Variants in TANC2 observed in about 807,000 individuals in gnomAD.
TANC2 encodes tetratricopeptide repeat, ankyrin repeat and coiled-coil containing 2, also known as protein TANC2.
A neutral mutation model predicts 210.5 loss-of-function variants in TANC2; 26 were observed. The observed-to-expected ratio is 0.12, with a 90% CI of 0.09 to 0.17. The LOEUF (loss-of-function observed/expected upper bound fraction) is 0.17, where lower values mean the gene tolerates loss of function less well. Among genes scored for constraint, TANC2 ranks in the 10% least tolerant of loss-of-function variants. The pLI is 1.00. For synonymous variants in TANC2, 931 were observed against 967.1 expected, an observed-to-expected ratio of 0.96 and a Z score of 0.69; for missense variants, 2,129 against 2,608.9, an observed-to-expected ratio of 0.82 and a Z score of 4.01.
chr17:63,039,873 A>G (rs896916631), intron 2 of TANC2, among the ~76,000 whole-genome samples: 7 of 152,280 alleles, frequency 4.6e-5, no homozygotes, highest in African/African-American at 1.7e-4. Flanking sequence ...GGTAGTTTAT[A>G]AACATTTATA....
At chr17:63,283,134 A>G (rs985396168) in intron 9 of TANC2, among the ~76,000 whole-genome samples, 7 of 152,144 alleles carry the variant, frequency 4.6e-5, no homozygotes, top group East Asian at 1.9e-4. Flanking sequence ...ATGATGCAAG[A>G]TATGTGTCAA....
intron 9 of TANC2, among the ~76,000 whole-genome samples, chr17:63,289,123 A>G (rs2044309350): frequency 6.6e-6 from 1 of 152,038 alleles, no homozygotes; most frequent in Non-Finnish European, 1.5e-5. Context: ...TTTGTTCTTT[A>G]TCGTAGTTTC....
intron 5 of TANC2, among the ~76,000 whole-genome samples, chr17:63,170,066 C>T (rs1465835358): frequency 6.7e-5 from 10 of 149,438 alleles, no homozygotes; most frequent in Admixed American, 1.3e-4. Flanking sequence ...TTGCAGTGAG[C>T]GGAGATCGCG....
At chr17:63,215,165 A>G (rs1289734725) in intron 7 of TANC2, among the ~76,000 whole-genome samples, 2 of 152,224 alleles carry the variant, frequency 1.3e-5, no homozygotes, top group African/African-American at 2.4e-5. Context: ...AATAACCTAA[A>G]TGTTTATGCA....
chr17:63,215,560 A>G (rs2042002777), intron 7 of TANC2, among the ~76,000 whole-genome samples: 1 of 152,128 alleles, frequency 6.6e-6, no homozygotes, highest in African/African-American at 2.4e-5. Context: ...AACAGTGACC[A>G]ATTATTTAAT....
rs2048939040 is a variant in TANC2 at position 63,418,712 on chromosome 17, A to C, written c.4268+305A>C. Among the ~76,000 whole-genome samples, 1 of 152,262 alleles carries C rather than the reference A, an allele frequency of 6.6e-6. No individual in the cohort carries two copies. Among genetic ancestry groups the C allele is most frequent in the African/African-American group, 2.4e-5 (1 of 41,478 alleles). On this transcript the variant is annotated intron_variant, in intron 27 of 27. Transcript: ENST00000689528. This position sits in a 1 kb window ranked among gnomAD's most constrained non-coding sequence, Gnocchi z 4.6. ...TTTTTCAACCCCCAGAGCAGCTAGCACAAAGAGACAACGGCGACTTAAAGA... is the reference window on the plus strand; with the variant it reads ...TTTTTCAACCCCCAGAGCAGCTAGCCCAAAGAGACAACGGCGACTTAAAGA...
intron 5 of TANC2, among the ~76,000 whole-genome samples, chr17:63,162,621 A>G (rs2040067921): frequency 6.6e-6 from 1 of 152,180 alleles, no homozygotes; most frequent in South Asian, 2.1e-4. Context: ...TTGACTATGG[A>G]AAGGAGTGAA....
At chr17:63,294,261 T>C (rs2146440767) in intron 9 of TANC2, among the ~76,000 whole-genome samples, 1 of 152,234 alleles carries the variant, frequency 6.6e-6, no homozygotes, top group South Asian at 2.1e-4. Context: ...GCAGATTGCT[T>C]CAGTTCAGGA....
At chr17:63,065,448 A>G (rs1198612438) in intron 2 of TANC2, among the ~76,000 whole-genome samples, 1 of 152,242 alleles carries the variant, frequency 6.6e-6, no homozygotes, top group Non-Finnish European at 1.5e-5. Context: ...TTCTTGAATC[A>G]CATGGTAGTT....
At chr17:63,349,632 A>C (rs1454078582) in intron 12 of TANC2, among the ~76,000 whole-genome samples, 2 of 152,172 alleles carry the variant, frequency 1.3e-5, no homozygotes, top group Non-Finnish European at 2.9e-5. Flanking sequence ...AAAATATTGC[A>C]GTGGCCTCTC....
chr17:63,277,222 C>G (rs947177401), intron 9 of TANC2, among the ~76,000 whole-genome samples: 8 of 151,986 alleles, frequency 5.3e-5, no homozygotes, highest in Non-Finnish European at 1.0e-4. Context: ...TCCATATTCT[C>G]CATTCTCAAT....
intron 25 of TANC2, 69 bp downstream of exon 25, chr17:63,413,703 A>G: frequency 3.6e-6 from 5 of 1,386,260 alleles, no homozygotes; most frequent in Non-Finnish European, 5.0e-6. Context: ...AGAATCTTAC[A>G]AAGTCTTGAT....
intron 4 of TANC2, among the ~76,000 whole-genome samples, chr17:63,116,779 T>C (rs1049609767): frequency 1.3e-5 from 2 of 152,336 alleles, no homozygotes; most frequent in Admixed American, 6.5e-5. Flanking sequence ...TTTTCTGCTA[T>C]CTCAAACTCT....
chr17:63,310,320 G>A (rs1388255978), intron 9 of TANC2, among the ~76,000 whole-genome samples: 3 of 152,020 alleles, frequency 2.0e-5, no homozygotes, highest in Admixed American at 6.6e-5. Context: ...CGTTGCACAC[G>A]CCTGTAGTCC....
At chr17:63,032,037 A>G (rs372008568) in intron 2 of TANC2, among the ~76,000 whole-genome samples, 27 of 152,298 alleles carry the variant, frequency 1.8e-4, no homozygotes, top group Middle Eastern at 3.4e-3. Flanking sequence ...TGTGAACTAT[A>G]TATAGGTAGT....
chr17:62,995,725 G>A (rs2033078180), intron 1 of TANC2, among the ~76,000 whole-genome samples: 4 of 152,116 alleles, frequency 2.6e-5, no homozygotes, highest in Admixed American at 2.6e-4. Context: ...TCCTTCCTTT[G>A]CCCTCCAGTC....
chr17:63,119,618 T>C (rs557323772), intron 4 of TANC2, among the ~76,000 whole-genome samples: 1 of 152,342 alleles, frequency 6.6e-6, no homozygotes, highest in East Asian at 1.9e-4. Flanking sequence ...AATAATTGTG[T>C]ACATTATAAG....
At chr17:63,369,535 A>G (rs2047202806) in intron 14 of TANC2, among the ~76,000 whole-genome samples, 1 of 151,676 alleles carries the variant, frequency 6.6e-6, no homozygotes, top group African/African-American at 2.4e-5. Flanking sequence ...ATCTTGTGGA[A>G]AGGAATAATA....
At chr17:63,148,237 C>CT (rs2039528354) in intron 4 of TANC2, 1 of 152,152 alleles carries the variant, frequency 6.6e-6, no homozygotes, top group Admixed American at 6.5e-5. Flanking sequence ...TATAGTATGT[C>CT]TGAAACTACT....
Sources: gnomAD v4.1 joint callset for allele counts (sites outside exome capture counted in the v4.1 genomes callset) on GRCh38, gnomAD v4.1.1 for gene constraint, Gnocchi (gnomAD v3.1) non-coding constraint, MANE v1.5 for transcripts, NCBI Gene and HGNC (gene_info 2026-07-23, HGNC 2026-07-21) for gene names.